PATJ: variants seen among roughly 807,000 people sequenced by gnomAD.
PATJ encodes the protein inaD-like protein.
PATJ carries 190 observed loss-of-function variants against 224.9 expected under a neutral mutation model. The ratio of observed to expected loss-of-function variants is 0.84; its 90% CI spans 0.75 to 0.95. The LOEUF (loss-of-function observed/expected upper bound fraction) is 0.95. Among genes scored for constraint, PATJ ranks in the 40% least tolerant of loss-of-function variants. The pLI is 0.00. For synonymous variants in PATJ, 769 were observed against 820.3 expected (o/e 0.94, Z 1.07); for missense variants, 2,121 against 2,270.3 (o/e 0.93, Z 1.34).
chr1:61,952,068 G>A (rs914003905), intron 27 of PATJ: 6 of 320,756 alleles, frequency 1.9e-5, no homozygotes, highest in Non-Finnish European at 3.5e-5. Context: ...AGTCAGCAGC[G>A]TGAAGCATCC....
At chr1:61,871,925 T>C (rs1666697263) in intron 20 of PATJ, among the ~76,000 whole-genome samples, 2 of 150,040 alleles carry the variant, frequency 1.3e-5, no homozygotes, top group Non-Finnish European at 3.0e-5. Flanking sequence ...AGGCTGGTCT[T>C]GAACTCCTGA....
At chr1:61,815,996 T>C (rs1444940855) in intron 14 of PATJ, among the ~76,000 whole-genome samples, 2 of 152,208 alleles carry the variant, frequency 1.3e-5, no homozygotes, top group Admixed American at 6.5e-5. Context: ...AATTGTAATA[T>C]GAAGTGAGCA....
At chr1:61,809,993 A>G (rs1654380371) in intron 14 of PATJ, among the ~76,000 whole-genome samples, 1 of 151,538 alleles carries the variant, frequency 6.6e-6, no homozygotes, top group South Asian at 2.1e-4. Context: ...CTTTACAGAC[A>G]TGTGTCACCA....
At chr1:61,770,060 A>G (rs183218722) in intron 5 of PATJ, among the ~76,000 whole-genome samples, 1 of 152,292 alleles carries the variant, frequency 6.6e-6, no homozygotes, top group East Asian at 1.9e-4. Flanking sequence ...ATTCCAATGC[A>G]CGTGTTAGAA....
intron 14 of PATJ, among the ~76,000 whole-genome samples, chr1:61,814,541 T>TGCGC (rs1557693423): frequency 7.2e-6 from 1 of 139,126 alleles, no homozygotes; most frequent in African/African-American, 2.8e-5. Context: ...TGTGTGTGTG[T>TGCGC]GTGTGTGCGC....
At chr1:61,801,545 C>G (rs1652490907) in intron 11 of PATJ, 78 bp from the exon 12 acceptor site, 1 of 855,268 alleles carries the variant, frequency 1.2e-6, no homozygotes, top group African/African-American at 1.7e-5. Context: ...AATCTGCTCA[C>G]TTAAATATAG....
chr1:62,062,379 T>C (rs1209452985), intron 31 of PATJ, among the ~76,000 whole-genome samples: 1 of 148,918 alleles, frequency 6.7e-6, no homozygotes, highest in African/African-American at 2.4e-5. Flanking sequence ...GTTGGCTGCT[T>C]CTATGTTGTC....
intron 29 of PATJ, among the ~76,000 whole-genome samples, chr1:62,023,567 T>C (rs1405433179): frequency 6.6e-6 from 1 of 152,114 alleles, no homozygotes; most frequent in Non-Finnish European, 1.5e-5. Flanking sequence ...TAGGGACATA[T>C]AGGAGATGCA....
intron 24 of PATJ, 29 bp from the exon 25 acceptor site, chr1:61,908,343 A>G (rs765007118): frequency 3.5e-6 from 5 of 1,431,524 alleles, no homozygotes; most frequent in Non-Finnish European, 4.9e-6. Flanking sequence ...GTGCTGTTCT[A>G]ATTGAAATAA....
intron 9 of PATJ, among the ~76,000 whole-genome samples, chr1:61,792,687 C>G (rs1017506496): frequency 2.0e-5 from 3 of 151,864 alleles, no homozygotes; most frequent in Non-Finnish European, 4.4e-5. Context: ...ACACCACCAC[C>G]CCCGGATAAT....
intron 33 of PATJ, among the ~76,000 whole-genome samples, chr1:62,104,343 A>G (rs1662613202): frequency 6.6e-6 from 1 of 152,000 alleles, no homozygotes; most frequent in Admixed American, 6.6e-5. Context: ...AAATATCCCA[A>G]CCCAGTATCT....
intron 27 of PATJ, among the ~76,000 whole-genome samples, chr1:61,968,287 T>G (rs1682449507): frequency 6.6e-6 from 1 of 152,268 alleles, no homozygotes; most frequent in Admixed American, 6.5e-5. Flanking sequence ...GTGGCTTTTC[T>G]TTAGAATACA....
rs368151800 is a variant in PATJ at position 61,864,641 on chromosome 1, A to G, written c.2835+8A>G. On this transcript the variant is annotated splice_region_variant and intron_variant, in intron 20 of 43. Transcript: ENST00000642238. ...TATTGCCCTGAAAATGTGGTAAGAG[A>G]TTAGAATAGATATTCCACACCTCCC... 2.6e-4 allele frequency: 405 copies of G among 1,575,378 alleles called. No individual in the cohort carries two copies. Among genetic ancestry groups the G allele is most frequent in the Non-Finnish European group, 3.3e-4 (386 of 1,160,360 alleles).
At chr1:62,136,620 T>C (rs556005216) in intron 41 of PATJ, among the ~76,000 whole-genome samples, 88 of 151,202 alleles carry the variant, frequency 5.8e-4, no homozygotes, top group Non-Finnish European at 1.0e-3. Flanking sequence ...TCCAGCTGCA[T>C]GTAAGTGCTG....
At chr1:61,836,077 A>G (rs1660128532) in intron 17 of PATJ, among the ~76,000 whole-genome samples, 1 of 152,176 alleles carries the variant, frequency 6.6e-6, no homozygotes, top group African/African-American at 2.4e-5. Flanking sequence ...AAAATTCAGT[A>G]AAGGATGGAA....
intron 27 of PATJ, among the ~76,000 whole-genome samples, chr1:61,950,860 A>G (rs568013107): frequency 2.5e-4 from 38 of 152,296 alleles, no homozygotes; most frequent in South Asian, 2.3e-3. Flanking sequence ...ATAGTTAAGT[A>G]AAATAGGCTG....
At chr1:61,892,364 T>C (rs1427601271) in intron 22 of PATJ, among the ~76,000 whole-genome samples, 1 of 152,180 alleles carries the variant, frequency 6.6e-6, no homozygotes, top group Non-Finnish European at 1.5e-5. Context: ...TAAGTACTAC[T>C]GAAGAGGAAA....
Position 61,864,548 on chromosome 1 carries a change from A to G in PATJ, c.2750A>G (p.Glu917Gly). 1 of 1,613,540 alleles carries G rather than the reference A, an allele frequency of 6.2e-7. No homozygotes were observed. ...GGTACACAGTGGTTGCATGATAATGAACCATCCGAGTCTCAAGAGGCAAGA... is the reference window on the plus strand; with the variant it reads ...GGTACACAGTGGTTGCATGATAATGGACCATCCGAGTCTCAAGAGGCAAGA... ...HFGTQWLHDNEPSESQEARTG... is the reference protein window; with the variant it reads ...HFGTQWLHDNGPSESQEARTG... The change falls in exon 20 of 44, where the codon GAA becomes GGA. Residue 917 changes from glutamate (E) to glycine (G), a missense_variant. By Grantham distance (98) the Glu-to-Gly change is moderately conservative. Coordinates refer to ENST00000642238, the MANE Select transcript of PATJ (RefSeq NM_001350145.3).
chr1:62,096,962 A>T (rs964736744), intron 33 of PATJ, among the ~76,000 whole-genome samples: 1 of 152,156 alleles, frequency 6.6e-6, no homozygotes, highest in African/African-American at 2.4e-5. Flanking sequence ...CAAACTTAGT[A>T]TCTATGTTAG....
Sources: gnomAD v4.1 joint callset for allele counts (sites outside exome capture counted in the v4.1 genomes callset) on GRCh38, gnomAD v4.1.1 for gene constraint, MANE v1.5 for transcripts, NCBI Gene and HGNC (gene_info 2026-07-23, HGNC 2026-07-21) for gene names.